The following BMPER variants were observed in gnomAD, a reference collection of about 807,000 sequenced individuals.
BMPER encodes BMP binding endothelial regulator.
Under a neutral mutation model 87.3 loss-of-function variants are expected in BMPER, and 45 were observed. The observed-to-expected ratio is 0.52, with a 90% CI of 0.41 to 0.66. The LOEUF (loss-of-function observed/expected upper bound fraction) is 0.66. Among genes scored for constraint, BMPER ranks in the 30% least tolerant of loss-of-function variants. The pLI, the probability that BMPER is intolerant of heterozygous loss-of-function variation, is 0.00. For missense variants in BMPER, 784 were observed against 867.5 expected, an observed-to-expected ratio of 0.90 and a Z score of 1.21; for synonymous variants, 326 against 316.2, an observed-to-expected ratio of 1.03 and a Z score of -0.33.
intron 6 of BMPER, among the ~76,000 whole-genome samples, chr7:34,026,629 C>G (rs1045337747): frequency 3.9e-5 from 6 of 152,176 alleles, no homozygotes; most frequent in Non-Finnish European, 7.4e-5. Flanking sequence ...TTCAGAGTTA[C>G]TAAAATGAAA....
At chr7:34,039,184 C>T (rs1339828274) in intron 6 of BMPER, among the ~76,000 whole-genome samples, 2 of 152,140 alleles carry the variant, frequency 1.3e-5, no homozygotes, top group African/African-American at 2.4e-5. Context: ...ATGATGTGTG[C>T]TAGCTGCTGG....
At chr7:34,072,869 T>G (rs1398501570) in intron 11 of BMPER, among the ~76,000 whole-genome samples, 1 of 152,212 alleles carries the variant, frequency 6.6e-6, no homozygotes, top group African/African-American at 2.4e-5. Flanking sequence ...CCTATTCAAA[T>G]GGAGAAATTG....
chr7:34,145,942 G>C (rs1791004420), intron 14 of BMPER, among the ~76,000 whole-genome samples: 1 of 152,088 alleles, frequency 6.6e-6, no homozygotes, highest in African/African-American at 2.4e-5. Flanking sequence ...CCATTTACCT[G>C]TTCTTAGTGG....
intron 6 of BMPER, among the ~76,000 whole-genome samples, chr7:34,030,363 A>T (rs1324625846): frequency 6.6e-6 from 1 of 152,146 alleles, no homozygotes; most frequent in Admixed American, 6.6e-5. Context: ...AATATGTTCA[A>T]GTGCCATGGC....
intron 6 of BMPER, among the ~76,000 whole-genome samples, chr7:34,001,289 A>G (rs1786573025): frequency 6.6e-6 from 1 of 151,812 alleles, no homozygotes; most frequent in African/African-American, 2.4e-5. Flanking sequence ...CAGTAAAGCT[A>G]CCTGGGCCTG....
At chr7:34,110,568 T>C (rs185599375) in intron 13 of BMPER, among the ~76,000 whole-genome samples, 1 of 152,330 alleles carries the variant, frequency 6.6e-6, no homozygotes, top group Admixed American at 6.5e-5. Flanking sequence ...TTGTATGTGC[T>C]TTCAGACTTT....
intron 6 of BMPER, among the ~76,000 whole-genome samples, chr7:34,032,406 A>G (rs1273083234): frequency 2.0e-5 from 3 of 152,114 alleles, no homozygotes; most frequent in Non-Finnish European, 2.9e-5. Context: ...CAAAGTTTTG[A>G]TTCATCACCC....
intron 12 of BMPER, among the ~76,000 whole-genome samples, chr7:34,079,755 C>T (rs899743433): frequency 2.9e-4 from 44 of 152,194 alleles, no homozygotes; most frequent in Middle Eastern, 3.2e-3. Context: ...GCAGGAGTAG[C>T]CATATTCCAC....
intron 13 of BMPER, among the ~76,000 whole-genome samples, chr7:34,113,538 AC>A (rs1243969025): frequency 1.3e-5 from 2 of 149,326 alleles, no homozygotes; most frequent in Non-Finnish European, 3.0e-5. Flanking sequence ...TTTTTTTTGA[AC>A]CATCTAGAAT....
At chr7:34,004,639 A>G (rs1265868687) in intron 6 of BMPER, among the ~76,000 whole-genome samples, 4 of 152,132 alleles carry the variant, frequency 2.6e-5, no homozygotes, top group Non-Finnish European at 4.4e-5. Flanking sequence ...CAAAGTCTGT[A>G]TTCTCTGTCA....
chr7:34,129,630 G>GAGAAAGAA (rs10527738), intron 13 of BMPER, among the ~76,000 whole-genome samples: 1,835 of 56,274 alleles, frequency 0.033, 86 homozygotes, highest in African/African-American at 0.052. Flanking sequence ...GAGAGAAAGA[G>GAGAAAGAA]AGAAAGAAAG....
At chr7:34,138,142 A>G (rs950947575) in intron 13 of BMPER, among the ~76,000 whole-genome samples, 2 of 152,216 alleles carry the variant, frequency 1.3e-5, no homozygotes, top group African/African-American at 4.8e-5. Flanking sequence ...ATGGTAATTA[A>G]CTTAAATTCC....
At chr7:34,067,037 A>G (rs1205963974) in intron 11 of BMPER, among the ~76,000 whole-genome samples, 1 of 152,234 alleles carries the variant, frequency 6.6e-6, no homozygotes, top group African/African-American at 2.4e-5. Context: ...CAAGTTCACG[A>G]TTACATAACA....
At chr7:34,061,623 A>G (rs1002292011) in intron 10 of BMPER, among the ~76,000 whole-genome samples, 3 of 152,204 alleles carry the variant, frequency 2.0e-5, no homozygotes, top group African/African-American at 7.2e-5. Flanking sequence ...CTAGGTTGAC[A>G]GATAATTCTC....
At chr7:34,061,009 C>A (rs145233542) in intron 10 of BMPER, among the ~76,000 whole-genome samples, 154 of 152,244 alleles carry the variant, frequency 1.0e-3, no homozygotes, top group African/African-American at 3.4e-3. Context: ...TGTTGCATGA[C>A]CTCAATTTCT....
chr7:34,148,949 G>A (rs1465166627), intron 14 of BMPER, among the ~76,000 whole-genome samples: 1 of 152,154 alleles, frequency 6.6e-6, no homozygotes, highest in Admixed American at 6.5e-5. Flanking sequence ...GCAGCGGAGT[G>A]GAAAATGAAC....
chr7:34,126,840 T>C (rs958891488), intron 13 of BMPER, among the ~76,000 whole-genome samples: 1 of 152,162 alleles, frequency 6.6e-6, no homozygotes, highest in South Asian at 2.1e-4. Flanking sequence ...TGGAAAGAGA[T>C]AAAAAGTAGT....
intron 12 of BMPER, among the ~76,000 whole-genome samples, chr7:34,082,710 T>A (rs531779418): frequency 2.0e-5 from 3 of 152,218 alleles, no homozygotes; most frequent in Admixed American, 2.0e-4. Context: ...TCATTCACTG[T>A]GAGTTGAATT....
chr7:33,953,607 G>A (rs1785079814), intron 3 of BMPER, among the ~76,000 whole-genome samples: 1 of 152,120 alleles, frequency 6.6e-6, no homozygotes, highest in Non-Finnish European at 1.5e-5. Flanking sequence ...CAATGAGTGA[G>A]GCCCAGGCAA....
Sources: allele counts gnomAD v4.1 joint callset (sites outside exome capture counted in the v4.1 genomes callset), GRCh38; gene constraint gnomAD v4.1.1; transcripts MANE v1.5; gene names NCBI Gene and HGNC (gene_info 2026-07-23, HGNC 2026-07-21).